MYOM1: variants seen among roughly 807,000 people sequenced by gnomAD.
MYOM1 encodes myomesin-1.
A neutral mutation model predicts 205.3 loss-of-function variants in MYOM1; 164 were observed. That is an observed-to-expected ratio of 0.80 (90% CI 0.70 to 0.91). The LOEUF is 0.91. Among genes scored for constraint, MYOM1 ranks in the 40% least tolerant of loss-of-function variants. The pLI, the probability that MYOM1 is intolerant of heterozygous loss-of-function variation, is 0.00. For missense variants in MYOM1, 2,011 were observed against 2,127.3 expected, an observed-to-expected ratio of 0.95 and a Z score of 1.08; for synonymous variants, 772 against 789.4, an observed-to-expected ratio of 0.98 and a Z score of 0.37.
In MYOM1 at chr18:3,134,521, G is replaced by A. The variant is rs1567925072; in HGVS notation, c.2384+129C>T. 3.9e-6 allele frequency: 4 copies of A among 1,017,568 alleles called. No homozygotes were observed. The South Asian group carries it at 8.6e-5, about 22-fold the overall frequency. The allele number at this position is 1,017,568 out of a possible 1,614,324, so 63.0% of individuals were successfully genotyped here. A position where few individuals can be genotyped will look rare whatever the true frequency, so the allele number is the denominator to read the frequency against. The stretch of plus-strand genomic sequence containing the variant: ...CTCCGAAAGTGCTAGGATTACAGGT[G>A]TAAGCCACCACATCCAGCCAAAAAG... On this transcript the variant is annotated intron_variant, in intron 16 of 37. Transcript: ENST00000356443.
chr18:3,088,327 G>A (rs1018740173), intron 29 of MYOM1, among the ~76,000 whole-genome samples: 1 of 152,092 alleles, frequency 6.6e-6, no homozygotes, highest in Non-Finnish European at 1.5e-5. Flanking sequence ...AGAAGGTGAG[G>A]GCTTCAGCTG....
chr18:3,168,305 T>C (rs551051859), intron 9 of MYOM1, among the ~76,000 whole-genome samples: 1 of 152,354 alleles, frequency 6.6e-6, no homozygotes, highest in South Asian at 2.1e-4. Context: ...TATACTTTTT[T>C]TTTTTTGAGA....
At chr18:3,234,056 G>C in the MYOM1 span, among the ~76,000 whole-genome samples, 2 of 152,110 alleles carry the variant, frequency 1.3e-5, no homozygotes, top group African/African-American at 2.4e-5. Context: ...CACTAACCTT[G>C]CTAAGCTTCA....
intron 4 of MYOM1, among the ~76,000 whole-genome samples, chr18:3,188,068 C>A (rs1453504322): frequency 1.3e-5 from 2 of 151,826 alleles, no homozygotes; most frequent in Non-Finnish European, 2.9e-5. Context: ...GTCTCGAACT[C>A]CTGTCCTCAA....
chr18:3,193,799 G>A lies in MYOM1; in HGVS notation c.431+19C>T. ...TATACTTCTTAAAAATTAAAGCCAG[G>A]AAGAAAAAGCACACTCACCGTCCTG... is the stretch of plus-strand genomic sequence containing the variant. On this transcript the variant is annotated intron_variant, in intron 3 of 37. Transcript: ENST00000356443. The A allele has an allele frequency of 6.2e-7, 1 of 1,602,760 alleles. No individual in the cohort carries two copies. Among genetic ancestry groups the A allele is most frequent in the Non-Finnish European group, 8.5e-7 (1 of 1,175,584 alleles).
chr18:3,075,413 C>G (rs750178686), intron 36 of MYOM1, 41 bp downstream of exon 36: 2 of 1,580,670 alleles, frequency 1.3e-6, no homozygotes, highest in Admixed American at 1.7e-5. Context: ...TTGAATCTAT[C>G]CCAGGAGTAC....
At chr18:3,202,543 C>T (rs147216684) in intron 2 of MYOM1, among the ~76,000 whole-genome samples, 2 of 152,174 alleles carry the variant, frequency 1.3e-5, no homozygotes, top group East Asian at 1.9e-4. Flanking sequence ...ATATACTTTA[C>T]ATCAAGAAAT....
At chr18:3,086,183 A>T in intron 29 of MYOM1, 32 bp from the exon 30 acceptor site, 2 of 1,387,044 alleles carry the variant, frequency 1.4e-6, no homozygotes, top group Non-Finnish European at 2.0e-6. Context: ...CTTTTCTTAA[A>T]ATAAGAAAGT....
At chr18:3,160,061 C>A (rs2080364674) in intron 10 of MYOM1, among the ~76,000 whole-genome samples, 1 of 147,642 alleles carries the variant, frequency 6.8e-6, no homozygotes, top group Non-Finnish European at 1.5e-5. Flanking sequence ...CCTCCTCCTC[C>A]TTCTTCTTCT....
intron 22 of MYOM1, among the ~76,000 whole-genome samples, chr18:3,109,599 T>G (rs2079497294): frequency 1.3e-5 from 2 of 152,218 alleles, no homozygotes; most frequent in Admixed American, 1.3e-4. Flanking sequence ...CTCATGAATG[T>G]GAAGAACTTA....
chr18:3,220,276 G>A (rs572316682), upstream of MYOM1, among the ~76,000 whole-genome samples: 4 of 152,290 alleles, frequency 2.6e-5, no homozygotes, highest in Non-Finnish European at 4.4e-5. Context: ...AATGGACTTC[G>A]TGGAATTTTA....
chr18:3,225,186 A>G, the MYOM1 span, among the ~76,000 whole-genome samples: 1 of 149,584 alleles, frequency 6.7e-6, no homozygotes, highest in South Asian at 2.1e-4. Context: ...AGAGAGTTTC[A>G]CCGTGTTAGC....
chr18:3,098,929 T>C (rs1040073243), intron 25 of MYOM1, among the ~76,000 whole-genome samples: 4 of 152,176 alleles, frequency 2.6e-5, no homozygotes, highest in African/African-American at 9.7e-5. Flanking sequence ...GGCCCTCCAC[T>C]CTGCTACTTT....
chr18:3,094,739 G>C (rs1042453387), intron 25 of MYOM1, among the ~76,000 whole-genome samples: 7 of 151,388 alleles, frequency 4.6e-5, no homozygotes, highest in Non-Finnish European at 4.4e-5. Context: ...TCGGCTCACT[G>C]CAACCTCTGC....
At position 3,126,330 on chromosome 18, in the gene MYOM1, T is replaced by G. The variant is rs542412391; in HGVS notation, c.2991+371A>C. 5.9e-5 allele frequency among the ~76,000 whole-genome samples: 9 copies of G among 151,530 alleles called. No homozygotes were observed. The South Asian group carries it at 1.9e-3, about 32-fold the overall frequency. ...TCATTAAATCCTGGGAATCTTTTTT[T>G]TTTTTCCCCCTCAACTTGAGGGCTG... On this transcript the variant is annotated intron_variant, in intron 19 of 37. Coordinates refer to ENST00000356443, the MANE Select transcript of MYOM1 (RefSeq NM_003803.4).
chr18:3,205,907 C>T (rs2081118545), intron 2 of MYOM1, among the ~76,000 whole-genome samples: 1 of 152,098 alleles, frequency 6.6e-6, no homozygotes, highest in Non-Finnish European at 1.5e-5. Flanking sequence ...CTGTGTTTGG[C>T]ACTGGGGTAG....
At chr18:3,182,608 T>C (rs1369819615) in intron 5 of MYOM1, among the ~76,000 whole-genome samples, 3 of 152,178 alleles carry the variant, frequency 2.0e-5, no homozygotes, top group Admixed American at 6.5e-5. Flanking sequence ...TTCCTAGAAC[T>C]TTTGTCCCTT....
chr18:3,221,909 T>C (rs1438995844), upstream of MYOM1, among the ~76,000 whole-genome samples: 1 of 152,194 alleles, frequency 6.6e-6, no homozygotes, highest in Non-Finnish European at 1.5e-5. Flanking sequence ...AAATATCCAA[T>C]ACAGAATGCA....
chr18:3,227,257 T>C, the MYOM1 span, among the ~76,000 whole-genome samples: 1 of 152,184 alleles, frequency 6.6e-6, no homozygotes, highest in African/African-American at 2.4e-5. Context: ...TGTGAAGGTA[T>C]ATACATACAA....
Sources: gnomAD v4.1 joint callset for allele counts (sites outside exome capture counted in the v4.1 genomes callset) on GRCh38, gnomAD v4.1.1 for gene constraint, MANE v1.5 for transcripts, NCBI Gene and HGNC (gene_info 2026-07-23, HGNC 2026-07-21) for gene names.